SYNE2: variants seen among roughly 807,000 people sequenced by gnomAD.
SYNE2 encodes the protein nesprin-2.
SYNE2 carries 431 observed loss-of-function variants against 856.3 expected under a neutral mutation model. The ratio of observed to expected loss-of-function variants is 0.50; its 90% CI spans 0.47 to 0.55. The LOEUF is 0.55. Among genes scored for constraint, SYNE2 ranks in the 20% least tolerant of loss-of-function variants. SYNE2 has a pLI of 0.00. For missense variants in SYNE2, 8,129 were observed against 8,023.2 expected, an observed-to-expected ratio of 1.01 and a Z score of -0.50; for synonymous variants, 2,923 against 2,872.3, an observed-to-expected ratio of 1.02 and a Z score of -0.56.
At chr14:63,860,371 A>G (rs1472711353) in intron 1 of SYNE2, among the ~76,000 whole-genome samples, 1 of 152,188 alleles carries the variant, frequency 6.6e-6, no homozygotes, top group South Asian at 2.1e-4. Context: ...GGGAGAAGGA[A>G]TCAATCTTCC....
intron 10 of SYNE2, among the ~76,000 whole-genome samples, chr14:63,965,209 C>A (rs187015068): frequency 3.9e-4 from 59 of 152,158 alleles, no homozygotes; most frequent in African/African-American, 1.2e-3. Flanking sequence ...GTGATTCGCC[C>A]ACCTCAGCCT....
At position 64,031,154 on chromosome 14, in the gene SYNE2, A is replaced by G. The variant is rs994597197; in HGVS notation, c.7018A>G (p.Lys2340Glu). ...TATAAAATCACTTCAGTGTAAACAA[A>G]AAGATTTGGAAAACAGGCTTGCATC... ...DDIKSLQCKQ[K>E]DLENRLASAK... Residue 2340 changes from lysine (K) to glutamate (E), a missense_variant, in exon 45 of 116, where the codon AAA becomes GAA. Transcript: ENST00000555002. The G allele has an allele frequency of 2.5e-6, 4 of 1,614,110 alleles. No individual in the cohort carries two copies. The African/African-American group carries it at 4.0e-5, about 16-fold the overall frequency.
intron 1 of SYNE2, among the ~76,000 whole-genome samples, chr14:63,806,252 A>G (rs1277821953): frequency 6.6e-6 from 1 of 152,144 alleles, no homozygotes; most frequent in Non-Finnish European, 1.5e-5. Flanking sequence ...TGGTTTTTGT[A>G]TTTAGCTCTG....
chr14:63,861,249 A>G (rs1893598077), intron 1 of SYNE2, among the ~76,000 whole-genome samples: 1 of 148,924 alleles, frequency 6.7e-6, no homozygotes, highest in Non-Finnish European at 1.5e-5. Flanking sequence ...GGTTCAAGCG[A>G]TTATCCTACC....
At chr14:63,961,650 A>G (rs1456156254) in intron 9 of SYNE2, 25 bp downstream of exon 9, 1 of 1,529,852 alleles carries the variant, frequency 6.5e-7, no homozygotes, top group East Asian at 2.2e-5. Context: ...GCATAAATCA[A>G]GCTCATTTTA....
chr14:64,219,215 C>T lies in SYNE2; in HGVS notation c.19665C>T (p.Phe6555=), dbSNP rs1348680441. 7 of 1,606,860 alleles carry T rather than the reference C, an allele frequency of 4.4e-6. No individual in the cohort carries two copies. Among genetic ancestry groups the T allele is most frequent in the South Asian group, 2.2e-5 (2 of 90,944 alleles). The change falls in exon 110 of 116, where the codon TTC becomes TTT. Residue 6555 remains phenylalanine (F), a synonymous_variant. Coordinates refer to ENST00000555002, the MANE Select transcript of SYNE2 (RefSeq NM_182914.3). ...AGITEQQSGA[F]DRWEMIQAQE... ...GCGATTTTTTAATTCCAGGTGCCTT[C>T]GACAGATGGGAGATGATTCAAGCAC... is the stretch of plus-strand genomic sequence containing the variant.
intron 1 of SYNE2, among the ~76,000 whole-genome samples, chr14:63,906,280 C>T (rs11845761): frequency 7.9e-5 from 12 of 152,086 alleles, no homozygotes; most frequent in Non-Finnish European, 1.6e-4. Flanking sequence ...TTAGTTGTGT[C>T]TTTGCCAAAT....
intron 27 of SYNE2, among the ~76,000 whole-genome samples, chr14:63,999,401 C>G (rs1229190733): frequency 6.6e-6 from 1 of 152,198 alleles, no homozygotes. Context: ...CTGGGTTGCT[C>G]CAAAGTCAAC....
At chr14:64,070,059 G>T (rs2097393058) in intron 51 of SYNE2, among the ~76,000 whole-genome samples, 1 of 152,168 alleles carries the variant, frequency 6.6e-6, no homozygotes, top group South Asian at 2.1e-4. Flanking sequence ...GTTCAGGGCT[G>T]GTGGAACTCC....
Position 64,081,551 on chromosome 14 carries a change from A to G in SYNE2, c.11455A>G (p.Thr3819Ala). 6.2e-7 allele frequency: 1 copy of G among 1,614,152 alleles called. No individual in the cohort carries two copies. Among genetic ancestry groups the G allele is most frequent in the South Asian group, 1.1e-5 (1 of 91,086 alleles). ...TCCTGCTGACTATGACTCTTTGAGGACACTGAGTCACCATGCTAGCACTGT... is the reference window on the plus strand; with the variant it reads ...TCCTGCTGACTATGACTCTTTGAGGGCACTGAGTCACCATGCTAGCACTGT... ...ANPADYDSLR[T>A]LSHHASTVQM... The change falls in exon 57 of 116, where the codon ACA (threonine) becomes GCA (alanine). Residue 3819 changes from threonine to alanine, a missense_variant. Physicochemically the swap from Thr to Ala is moderately conservative, Grantham distance 58. This residue lies in a region of SYNE2 where 5,410 missense variants were observed against 5,284.8 expected (regional missense o/e 1.02). Coordinates refer to ENST00000555002, the MANE Select transcript of SYNE2 (RefSeq NM_182914.3).
At chr14:64,051,267 A>C (rs1293769793) in intron 47 of SYNE2, among the ~76,000 whole-genome samples, 1 of 146,428 alleles carries the variant, frequency 6.8e-6, no homozygotes, top group African/African-American at 2.5e-5. Flanking sequence ...CCTTCACTTC[A>C]TTTTTTTCCT....
rs760666987 is a variant in SYNE2, at chr14:64,210,163, A to G, written c.18723+39A>G. 4 of 1,607,058 alleles carry G rather than the reference A, an allele frequency of 2.5e-6. No homozygotes were observed. The Admixed American group carries it at 5.0e-5, about 20-fold the overall frequency. Reference sequence around the variant, plus strand: ...CACCTGGCTCGGGTGTAGATTTTCCAGGAGACATAACGCACGATACGCAAT... The same window carrying G: ...CACCTGGCTCGGGTGTAGATTTTCCGGGAGACATAACGCACGATACGCAAT... On this transcript the variant is annotated intron_variant, in intron 103 of 115. Transcript: ENST00000555002.
At chr14:63,818,189 G>A (rs1213704658) in intron 1 of SYNE2, among the ~76,000 whole-genome samples, 1 of 151,774 alleles carries the variant, frequency 6.6e-6, no homozygotes, top group Non-Finnish European at 1.5e-5. Context: ...ACAAAAATTA[G>A]CTGGGCATGG....
intron 71 of SYNE2, among the ~76,000 whole-genome samples, chr14:64,126,084 T>C (rs1430633918): frequency 6.6e-6 from 1 of 152,206 alleles, no homozygotes; most frequent in Non-Finnish European, 1.5e-5. Flanking sequence ...ATGATTTACC[T>C]TTTAGTTCCA....
At chr14:63,968,411 C>T (rs1309746091) in intron 11 of SYNE2, among the ~76,000 whole-genome samples, 1 of 152,080 alleles carries the variant, frequency 6.6e-6, no homozygotes, top group Non-Finnish European at 1.5e-5. Context: ...TCTTGGTTTG[C>T]CACAGTAGAT....
At chr14:64,167,084 C>G in intron 90 of SYNE2, 149 bp from the exon 91 acceptor site, 1 of 956,376 alleles carries the variant, frequency 1.0e-6, no homozygotes. Flanking sequence ...TCAGGTCCCA[C>G]TCTAACATTA....
intron 49 of SYNE2, among the ~76,000 whole-genome samples, chr14:64,059,134 A>G (rs2097296299): frequency 6.6e-6 from 1 of 152,158 alleles, no homozygotes; most frequent in African/African-American, 2.4e-5. Flanking sequence ...CTGAAAGGTC[A>G]CATATTTCTC....
At chr14:63,963,440 GA>G (rs1192114931) in intron 9 of SYNE2, among the ~76,000 whole-genome samples, 1 of 152,146 alleles carries the variant, frequency 6.6e-6, no homozygotes, top group Non-Finnish European at 1.5e-5. Flanking sequence ...AGAATCTACG[GA>G]AAAAGTAATT....
chr14:63,909,072 T>G, intron 1 of SYNE2, 26 bp from the exon 2 acceptor site: 1 of 1,066,826 alleles, frequency 9.4e-7, no homozygotes, highest in East Asian at 2.4e-5. Context: ...AAGTTACTAA[T>G]GAACATTTAT....
Sources: gnomAD v4.1 joint callset for allele counts (sites outside exome capture counted in the v4.1 genomes callset) on GRCh38, gnomAD v4.1.1 for gene constraint, gnomAD v4.1.1 regional missense constraint, MANE v1.5 for transcripts, NCBI Gene and HGNC (gene_info 2026-07-23, HGNC 2026-07-21) for gene names.